The following ST3GAL5 variants were observed in gnomAD, a reference collection of about 807,000 sequenced individuals.
ST3GAL5 encodes the protein ST3 beta-galactoside alpha-2,3-sialyltransferase 5, also known as lactosylceramide alpha-2,3-sialyltransferase.
Under a neutral mutation model 46.1 loss-of-function variants are expected in ST3GAL5, and 25 were observed. The ratio of observed to expected loss-of-function variants is 0.54; its 90% CI spans 0.40 to 0.76. The LOEUF is 0.76. Ranked by LOEUF, ST3GAL5 falls within the 30% of genes least tolerant of loss-of-function variation. ST3GAL5 has a pLI of 0.00. For missense variants in ST3GAL5, 431 were observed against 521.2 expected, an observed-to-expected ratio of 0.83 and a Z score of 1.69; for synonymous variants, 182 against 192.7, an observed-to-expected ratio of 0.94 and a Z score of 0.46.
intron 6 of ST3GAL5, among the ~76,000 whole-genome samples, chr2:85,843,836 G>A (rs1311926492): frequency 6.6e-6 from 1 of 152,094 alleles, no homozygotes; most frequent in East Asian, 1.9e-4. Flanking sequence ...AATAAAAATC[G>A]TCCACGGAAT....
At position 85,838,133 on chromosome 2, in the gene ST3GAL5, G is replaced by A. The variant is rs11127001; in HGVS notation, c.*2011C>T. 0.85 allele frequency: 129,115 copies of A among 152,144 alleles called. 55,366 individuals carry two copies. The highest frequency in any genetic ancestry group is 1 in the East Asian group (5,185 of 5,188). 9.4% of individuals were successfully genotyped at this position (152,144 alleles called of 1,614,324 possible). A position where few individuals can be genotyped will look rare whatever the true frequency, so the allele number is the denominator to read the frequency against. On this transcript the variant is annotated 3_prime_UTR_variant, in exon 7 of 7. Coordinates refer to ENST00000638572, the MANE Select transcript of ST3GAL5 (RefSeq NM_003896.4). Reference sequence around the variant, plus strand: ...AAAAATATACCTTTTTAGGGTATCTGCTTACCACCTGAGTAAGTAAAAGTT... The same window carrying A: ...AAAAATATACCTTTTTAGGGTATCTACTTACCACCTGAGTAAGTAAAAGTT...
At chr2:85,848,302 T>A in intron 3 of ST3GAL5, 98 bp from the exon 4 acceptor site, 1 of 1,610,994 alleles carries the variant, frequency 6.2e-7, no homozygotes, top group Non-Finnish European at 8.5e-7. Flanking sequence ...CTGATGTAGC[T>A]CCCGTGTTGA....
intron 1 of ST3GAL5, among the ~76,000 whole-genome samples, chr2:85,881,204 T>C (rs1357391445): frequency 1.3e-5 from 2 of 152,218 alleles, no homozygotes; most frequent in Non-Finnish European, 2.9e-5. Context: ...TGTGAGACCT[T>C]CCCCAGACAT....
Position 85,844,539 on chromosome 2 carries a change from G to C in ST3GAL5, c.865C>G (p.Leu289Val). The change falls in exon 6 of 7, where the codon CTC becomes GTC. Residue 289 changes from leucine (L) to valine (V), a missense_variant. Coordinates refer to ENST00000638572, the MANE Select transcript of ST3GAL5 (RefSeq NM_003896.4). ...TCTGCCACCTGCTTCCAAAAGAAGA[G>C]TCGTACCCAGAATGGCTAAGGAAAG... ...KKETLPFWVR[L>V]FFWKQVAEKI... 6.2e-7 allele frequency: 1 copy of C among 1,614,094 alleles called. No individual in the cohort carries two copies. Among genetic ancestry groups the C allele is most frequent in the Non-Finnish European group, 8.5e-7 (1 of 1,180,028 alleles).
At chr2:85,887,125 G>A (rs1251861065) in intron 1 of ST3GAL5, among the ~76,000 whole-genome samples, 1 of 152,110 alleles carries the variant, frequency 6.6e-6, no homozygotes, top group Non-Finnish European at 1.5e-5. Flanking sequence ...ATTGCCTCCC[G>A]AGGCCAACCT....
At chr2:85,881,496 T>C (rs1019669535) in intron 1 of ST3GAL5, among the ~76,000 whole-genome samples, 4 of 152,206 alleles carry the variant, frequency 2.6e-5, no homozygotes, top group South Asian at 2.1e-4. Context: ...GATAGTAGCA[T>C]GGACAATAAA....
intron 3 of ST3GAL5, chr2:85,851,828 A>T: frequency 6.0e-6 from 4 of 666,590 alleles, no homozygotes; most frequent in South Asian, 5.0e-5. Flanking sequence ...GGAAGCCAGG[A>T]GCTGGTGACT....
intron 1 of ST3GAL5, among the ~76,000 whole-genome samples, chr2:85,877,332 A>G (rs1170790661): frequency 6.6e-6 from 1 of 152,214 alleles, no homozygotes; most frequent in Non-Finnish European, 1.5e-5. Context: ...ATCATTTGGC[A>G]TTCACTGTTA....
intron 3 of ST3GAL5, chr2:85,854,260 G>C (rs1404403642): frequency 6.6e-6 from 1 of 152,290 alleles, no homozygotes; most frequent in Non-Finnish European, 1.5e-5. Flanking sequence ...TTTTGCTTAA[G>C]TGGCTTTGGC....
chr2:85,846,265 CA>C, intron 5 of ST3GAL5, 111 bp downstream of exon 5: 1 of 955,568 alleles, frequency 1.0e-6, no homozygotes, highest in Admixed American at 2.1e-5. Context: ...AAAGACAACA[CA>C]TAAGTATGCA....
Position 85,837,775 on chromosome 2 carries a change from T to C in ST3GAL5, c.*2369A>G, listed in dbSNP as rs981682523. On this transcript the variant is annotated 3_prime_UTR_variant, in exon 7 of 7. Transcript: ENST00000638572. ...TCTGCAGCTCAAAGTTCTAGAAGCA[T>C]GTTAAAATACAGAACATGTGTAAGT... The C allele has an allele frequency of 4.6e-5, 7 of 152,204 alleles. No individual in the cohort carries two copies. The highest frequency in any genetic ancestry group is 1.2e-4 in the African/African-American group (5 of 41,452). The allele number at this position is 152,204 out of a possible 1,614,324, so 9.4% of individuals were successfully genotyped here. A position where few individuals can be genotyped will look rare whatever the true frequency, so the allele number is the denominator to read the frequency against.
rs1163309531 is a variant in ST3GAL5, at chr2:85,888,919, C to G, written c.-14G>C. ...CTTCGTCCGCATACTAATGAGGGGG[C>G]GCCGGCCGGCCGCCAGCCCGGTACC... On this transcript the variant is annotated 5_prime_UTR_variant, in exon 1 of 7. Coordinates refer to ENST00000638572, the MANE Select transcript of ST3GAL5 (RefSeq NM_003896.4). 1 of 1,344,068 alleles carries G rather than the reference C, an allele frequency of 7.4e-7. No homozygotes were observed. Among genetic ancestry groups the G allele is most frequent in the Non-Finnish European group, 9.6e-7 (1 of 1,041,816 alleles). The allele number at this position is 1,344,068 out of a possible 1,614,324, so 83.3% of individuals were successfully genotyped here. A position where few individuals can be genotyped will look rare whatever the true frequency, so the allele number is the denominator to read the frequency against.
intron 1 of ST3GAL5, among the ~76,000 whole-genome samples, chr2:85,870,733 A>G (rs768279248): frequency 2.2e-4 from 33 of 151,222 alleles, no homozygotes; most frequent in Middle Eastern, 6.8e-3. Context: ...CTGAAGTGCA[A>G]TGGCACCATC....
chr2:85,876,046 C>T (rs777162884), intron 1 of ST3GAL5, among the ~76,000 whole-genome samples: 5 of 152,100 alleles, frequency 3.3e-5, no homozygotes, highest in African/African-American at 7.2e-5. Flanking sequence ...ATAATAAATT[C>T]GTGATTTCTG....
chr2:85,852,374 T>C (rs866144240), intron 3 of ST3GAL5, among the ~76,000 whole-genome samples: 6 of 152,324 alleles, frequency 3.9e-5, no homozygotes, highest in Non-Finnish European at 2.9e-5. Flanking sequence ...CCTAAGCATT[T>C]TGCCCAGTAC....
intron 3 of ST3GAL5, chr2:85,851,180 T>C: frequency 2.1e-6 from 2 of 951,254 alleles, no homozygotes; most frequent in Non-Finnish European, 2.6e-6. Context: ...CTTCCAAAGT[T>C]CTGGGATTAT....
In ST3GAL5 at chr2:85,840,186, T is replaced by C. The variant is rs371187255; in HGVS notation, c.1215A>G (p.Gly405=). ...TGCCTCCACTGAGATCTTTCACCAC[T>C]CCCTCTTTGACCAGCTTTAAGAGGA... The part of the protein sequence containing the change: ...TKFLLKLVKE[G]VVKDLSGGID... The change falls in exon 7 of 7, where the codon GGA becomes GGG. Residue 405 remains glycine, a synonymous_variant. Coordinates refer to ENST00000638572, the MANE Select transcript of ST3GAL5 (RefSeq NM_003896.4). The C allele has an allele frequency of 6.2e-7, 1 of 1,614,224 alleles. No homozygotes were observed. The highest frequency in any genetic ancestry group is 8.5e-7 in the Non-Finnish European group (1 of 1,180,032).
intron 1 of ST3GAL5, among the ~76,000 whole-genome samples, chr2:85,883,744 A>AT (rs1353923862): frequency 4.6e-5 from 7 of 152,212 alleles, no homozygotes; most frequent in Non-Finnish European, 5.9e-5. Context: ...GGGGGCTGCA[A>AT]TTTTACTCTA....
At chr2:85,866,783 G>A (rs1276127213) in intron 1 of ST3GAL5, among the ~76,000 whole-genome samples, 1 of 152,152 alleles carries the variant, frequency 6.6e-6, no homozygotes, top group African/African-American at 2.4e-5. Context: ...TGCAGAGCCA[G>A]AACTCTGTTC....
Sources: allele counts gnomAD v4.1 joint callset (sites outside exome capture counted in the v4.1 genomes callset), GRCh38; gene constraint gnomAD v4.1.1; transcripts MANE v1.5; gene names NCBI Gene and HGNC (gene_info 2026-07-23, HGNC 2026-07-21).